The following RALYL variants were observed in gnomAD, a reference collection of about 807,000 sequenced individuals.
RALYL encodes RALY RNA binding protein like.
Under a neutral mutation model 35.1 loss-of-function variants are expected in RALYL, and 29 were observed. The ratio of observed to expected loss-of-function variants is 0.83; its 90% confidence interval spans 0.61 to 1.13. RALYL has a LOEUF of 1.13. RALYL is among the 50% of genes most tolerant of loss of function. The pLI, the probability that RALYL is intolerant of heterozygous loss-of-function variation, is 0.00. For synonymous variants in RALYL, 120 were observed against 127.6 expected, an observed-to-expected ratio of 0.94 and a Z score of 0.40; for missense variants, 359 against 360.4, an observed-to-expected ratio of 1.00 and a Z score of 0.03.
rs558126196 is a variant in RALYL, at chr8:84,896,559, C to T, written c.858+8783C>T. On this transcript the variant is annotated intron_variant, in intron 8 of 8. Coordinates refer to ENST00000521268, the MANE Select transcript of RALYL (RefSeq NM_173848.7). ...CCTTACGTTGATCTACAAAGTCTTGCGTGATCTGGCCCCTGCTACCTCTCT... is the reference window on the plus strand; with the variant it reads ...CCTTACGTTGATCTACAAAGTCTTGTGTGATCTGGCCCCTGCTACCTCTCT... Among the ~76,000 whole-genome samples, 100 of 151,644 alleles carry T rather than the reference C, an allele frequency of 6.6e-4. 1 individual carries two copies. The highest frequency in any genetic ancestry group is 1.3e-3 in the Non-Finnish European group (87 of 68,042).
intron 1 of RALYL, among the ~76,000 whole-genome samples, chr8:84,489,658 C>T (rs1239907506): frequency 6.6e-6 from 1 of 151,944 alleles, no homozygotes; most frequent in Non-Finnish European, 1.5e-5. Context: ...GAAAGAGCAA[C>T]TGAGGAAATT....
chr8:84,420,693 A>G (rs1306911750), intron 1 of RALYL, among the ~76,000 whole-genome samples: 4 of 121,504 alleles, frequency 3.3e-5, no homozygotes, highest in East Asian at 2.2e-4. Flanking sequence ...TAACGTTTAA[A>G]TCTTTAATCC....
At chr8:84,300,847 A>G (rs141789937) in intron 1 of RALYL, among the ~76,000 whole-genome samples, 2,767 of 152,088 alleles carry the variant, frequency 0.018, 37 homozygotes, top group South Asian at 0.03. Context: ...TCAACTTGCC[A>G]GCATACCTTT....
intron 1 of RALYL, among the ~76,000 whole-genome samples, chr8:84,482,246 G>T (rs975984216): frequency 5.9e-5 from 9 of 151,934 alleles, no homozygotes; most frequent in Admixed American, 4.6e-4. Context: ...TGAGGATAAA[G>T]ACAATATCCC....
intron 1 of RALYL, among the ~76,000 whole-genome samples, chr8:84,495,359 G>T (rs551794466): frequency 2.6e-5 from 4 of 152,014 alleles, no homozygotes; most frequent in Admixed American, 2.6e-4. Flanking sequence ...GTCAGAGGGC[G>T]TAAAATACTT....
intron 1 of RALYL, among the ~76,000 whole-genome samples, chr8:84,507,246 A>AT (rs2057249730): frequency 6.6e-6 from 1 of 151,936 alleles, no homozygotes; most frequent in African/African-American, 2.4e-5. Context: ...TTCTCTTTTG[A>AT]TTTTTTCTTA....
At chr8:84,525,958 T>TTTTTTTC (rs1564086803) in intron 1 of RALYL, among the ~76,000 whole-genome samples, 6 of 47,460 alleles carry the variant, frequency 1.3e-4, no homozygotes, top group African/African-American at 3.8e-4. Flanking sequence ...TTTTTCTTTT[T>TTTTTTTC]TTTTTTTTTT....
At chr8:84,730,169 C>T (rs1189572051) in intron 2 of RALYL, among the ~76,000 whole-genome samples, 1 of 151,982 alleles carries the variant, frequency 6.6e-6, no homozygotes, top group Non-Finnish European at 1.5e-5. Flanking sequence ...AGCAGCACAT[C>T]AAAAAGCTTA....
At chr8:84,899,657 C>T (rs1454147328) in intron 8 of RALYL, among the ~76,000 whole-genome samples, 1 of 152,136 alleles carries the variant, frequency 6.6e-6, no homozygotes, top group African/African-American at 2.4e-5. Context: ...TGAGGAGGAA[C>T]AACAGAAGGA....
chr8:84,485,453 G>T (rs146326848), intron 1 of RALYL, among the ~76,000 whole-genome samples: 2,517 of 152,134 alleles, frequency 0.017, 70 homozygotes, highest in African/African-American at 0.057. Flanking sequence ...GGTGGTGCAC[G>T]CCTGCAATCT....
chr8:84,566,596 C>A (rs1050178738), intron 2 of RALYL, among the ~76,000 whole-genome samples: 2 of 151,610 alleles, frequency 1.3e-5, no homozygotes, highest in South Asian at 2.1e-4. Flanking sequence ...AGAAATCATG[C>A]AACTAAACAA....
intron 1 of RALYL, among the ~76,000 whole-genome samples, chr8:84,240,209 G>C (rs1360635643): frequency 1.3e-5 from 2 of 151,984 alleles, no homozygotes; most frequent in Admixed American, 6.6e-5. Flanking sequence ...AGATAAAACA[G>C]GTAAAAAATT....
At chr8:84,890,620 T>A (rs934128263) in intron 8 of RALYL, among the ~76,000 whole-genome samples, 1 of 152,158 alleles carries the variant, frequency 6.6e-6, no homozygotes, top group African/African-American at 2.4e-5. Flanking sequence ...TGAAGGGGGC[T>A]CTAGGAATTT....
chr8:84,646,269 T>G (rs894321866), intron 2 of RALYL, among the ~76,000 whole-genome samples: 1 of 152,114 alleles, frequency 6.6e-6, no homozygotes. Context: ...ATTCATATTT[T>G]TGGTCATTTT....
intron 2 of RALYL, among the ~76,000 whole-genome samples, chr8:84,771,062 AT>A (rs1480779339): frequency 6.6e-6 from 1 of 151,378 alleles, no homozygotes; most frequent in African/African-American, 2.4e-5. Context: ...TATCCCATGT[AT>A]TTTTCTTTTT....
At chr8:84,571,303 G>T (rs913053276) in intron 2 of RALYL, among the ~76,000 whole-genome samples, 1 of 151,610 alleles carries the variant, frequency 6.6e-6, no homozygotes, top group Non-Finnish European at 1.5e-5. Flanking sequence ...CTCATTATTG[G>T]TCTATTAAGG....
intron 1 of RALYL, among the ~76,000 whole-genome samples, chr8:84,341,072 A>G (rs537302444): frequency 6.6e-6 from 1 of 151,132 alleles, no homozygotes; most frequent in East Asian, 1.9e-4. Flanking sequence ...AGTGGTATGG[A>G]GCATCTTTTC....
At chr8:84,466,830 G>C (rs1432733651) in intron 1 of RALYL, among the ~76,000 whole-genome samples, 1 of 151,294 alleles carries the variant, frequency 6.6e-6, no homozygotes, top group Non-Finnish European at 1.5e-5. Context: ...TCCTGTTATT[G>C]GTCTATTCAG....
chr8:84,427,043 C>G (rs541424593), intron 1 of RALYL, among the ~76,000 whole-genome samples: 3 of 152,268 alleles, frequency 2.0e-5, no homozygotes, highest in South Asian at 4.1e-4. Flanking sequence ...GATATGGAAA[C>G]AACTCATGGA....
Sources: gnomAD v4.1 joint callset for allele counts (sites outside exome capture counted in the v4.1 genomes callset) on GRCh38, gnomAD v4.1.1 for gene constraint, MANE v1.5 for transcripts, NCBI Gene and HGNC (gene_info 2026-07-23, HGNC 2026-07-21) for gene names.